The following JAZF1 variants were observed in gnomAD, a reference collection of about 807,000 sequenced individuals.
The protein encoded by JAZF1 is JAZF zinc finger 1.
In JAZF1, 8 loss-of-function variants were observed where a neutral mutation model predicts 26.4. The ratio of observed to expected loss-of-function variants is 0.30; its 90% confidence interval spans 0.18 to 0.55. The LOEUF is 0.55. JAZF1 is among the 20% of genes least tolerant of loss of function. The pLI, the probability that JAZF1 is intolerant of heterozygous loss-of-function variation, is 0.94. For synonymous variants in JAZF1, 126 were observed against 122.3 expected (o/e 1.03, Z -0.20); for missense variants, 199 against 322.0 (o/e 0.62, Z 2.92).
At chr7:28,172,811 G>C (rs944205858) in intron 1 of JAZF1, among the ~76,000 whole-genome samples, 2 of 152,168 alleles carry the variant, frequency 1.3e-5, no homozygotes, top group African/African-American at 4.8e-5. Flanking sequence ...TTCTACACTA[G>C]GATGGCTAGG....
At chr7:28,048,269 C>T (rs976921884) in intron 1 of JAZF1, among the ~76,000 whole-genome samples, 1 of 152,120 alleles carries the variant, frequency 6.6e-6, no homozygotes, top group Non-Finnish European at 1.5e-5. Context: ...AGTAAGCTTG[C>T]CAGGTGTTCC....
At chr7:27,846,909 T>G (rs1783040905) in intron 3 of JAZF1, among the ~76,000 whole-genome samples, 1 of 152,204 alleles carries the variant, frequency 6.6e-6, no homozygotes, top group Admixed American at 6.5e-5. Context: ...AGATTGCTAT[T>G]TCATCTTATT....
At chr7:27,853,240 C>G (rs1783184326) in intron 3 of JAZF1, among the ~76,000 whole-genome samples, 1 of 152,170 alleles carries the variant, frequency 6.6e-6, no homozygotes. Context: ...AGAAGAATTT[C>G]ATTATATTAC....
intron 1 of JAZF1, among the ~76,000 whole-genome samples, chr7:28,077,566 C>T (rs754336905): frequency 1.3e-4 from 19 of 148,768 alleles, no homozygotes; most frequent in Non-Finnish European, 1.9e-4. Flanking sequence ...CCTGATAGAA[C>T]CACCTTAACT....
At chr7:27,944,714 G>C (rs1784900467) in intron 2 of JAZF1, among the ~76,000 whole-genome samples, 1 of 152,152 alleles carries the variant, frequency 6.6e-6, no homozygotes, top group Non-Finnish European at 1.5e-5. Context: ...AGAATCTTGG[G>C]TGCTGCCACT....
chr7:27,973,529 G>A (rs1278999376), intron 2 of JAZF1, among the ~76,000 whole-genome samples: 3 of 152,122 alleles, frequency 2.0e-5, no homozygotes, highest in Admixed American at 6.5e-5. Context: ...AAACTCCCGC[G>A]CTCAAGTGAT....
In JAZF1 at chr7:28,159,276, T is replaced by C. The variant is rs368630648; in HGVS notation, c.115+21187A>G. ...GAGTGGGGTTGATGGGAACTCCCTG[T>C]ACTACTTTTGCAACTTTTCAGTAAG... On this transcript the variant is annotated intron_variant, in intron 1 of 4. Coordinates refer to ENST00000283928, the MANE Select transcript of JAZF1 (RefSeq NM_175061.4). 1.2e-4 allele frequency among the ~76,000 whole-genome samples: 19 copies of C among 152,100 alleles called. No homozygotes were observed. The East Asian group carries it at 3.3e-3, about 26-fold the overall frequency.
At chr7:27,841,996 G>A (rs531002428) in intron 3 of JAZF1, 74 of 152,214 alleles carry the variant, frequency 4.9e-4, no homozygotes, top group African/African-American at 1.7e-3. Flanking sequence ...GGCCTGCCTG[G>A]GTGCTTCAGG....
chr7:28,119,205 C>G (rs1425341389), intron 1 of JAZF1, among the ~76,000 whole-genome samples: 2 of 152,170 alleles, frequency 1.3e-5, no homozygotes, highest in Non-Finnish European at 2.9e-5. Flanking sequence ...ACTCACAAAC[C>G]TGATCTCCAG....
At chr7:27,869,788 G>A (rs888421067) in intron 3 of JAZF1, among the ~76,000 whole-genome samples, 1 of 152,180 alleles carries the variant, frequency 6.6e-6, no homozygotes, top group Admixed American at 6.5e-5. Flanking sequence ...TCTAGGGTTA[G>A]GAAATGGTAT....
intron 1 of JAZF1, among the ~76,000 whole-genome samples, chr7:28,056,311 G>A (rs531615616): frequency 1.3e-5 from 2 of 152,172 alleles, no homozygotes; most frequent in East Asian, 1.9e-4. Context: ...TACATGACAG[G>A]AGAGAACAGC....
chr7:28,169,540 C>T (rs772454660), intron 1 of JAZF1, among the ~76,000 whole-genome samples: 5 of 152,192 alleles, frequency 3.3e-5, no homozygotes, highest in South Asian at 4.1e-4. Flanking sequence ...GTCTACCAGC[C>T]GGTGAGATTC....
chr7:27,922,257 T>C (rs1784542108), intron 2 of JAZF1, among the ~76,000 whole-genome samples: 1 of 152,224 alleles, frequency 6.6e-6, no homozygotes, highest in African/African-American at 2.4e-5. Context: ...TATTCTTTTT[T>C]TGTTGGAGAC....
chr7:28,082,721 C>T (rs1784156142), intron 1 of JAZF1, among the ~76,000 whole-genome samples: 1 of 152,150 alleles, frequency 6.6e-6, no homozygotes, highest in Admixed American at 6.5e-5. Flanking sequence ...CCCTCACATC[C>T]CATAAATCCC....
chr7:27,842,931 A>G (rs73075375), intron 3 of JAZF1: 11,544 of 152,382 alleles, frequency 0.076, 639 homozygotes, highest in Middle Eastern at 0.12. Context: ...TGGGGGATTA[A>G]TGAAGCCCAA....
chr7:28,155,450 C>T (rs769640487), intron 1 of JAZF1, among the ~76,000 whole-genome samples: 23 of 152,212 alleles, frequency 1.5e-4, no homozygotes, highest in Non-Finnish European at 2.6e-4. Flanking sequence ...AATTACCAAA[C>T]TGTGCTGCCA....
chr7:27,912,373 A>C (rs1207511816), intron 2 of JAZF1, among the ~76,000 whole-genome samples: 1 of 152,206 alleles, frequency 6.6e-6, no homozygotes, highest in Non-Finnish European at 1.5e-5. Context: ...GTCTGCTCAC[A>C]ATGCAGGAAT....
chr7:28,062,718 C>G (rs912009643), intron 1 of JAZF1, among the ~76,000 whole-genome samples: 1 of 152,192 alleles, frequency 6.6e-6, no homozygotes, highest in Non-Finnish European at 1.5e-5. Flanking sequence ...TGTGTCCTTC[C>G]TTGCGTATTT....
At chr7:27,975,974 A>T (rs923383231) in intron 2 of JAZF1, among the ~76,000 whole-genome samples, 2 of 152,228 alleles carry the variant, frequency 1.3e-5, no homozygotes, top group African/African-American at 4.8e-5. Flanking sequence ...TGAGCAATGC[A>T]AACTAATTCT....
Sources: allele counts gnomAD v4.1 joint callset (sites outside exome capture counted in the v4.1 genomes callset), GRCh38; gene constraint gnomAD v4.1.1; transcripts MANE v1.5; gene names NCBI Gene and HGNC (gene_info 2026-07-23, HGNC 2026-07-21).